The following MAD2L1 variants were observed in gnomAD, a reference collection of about 807,000 sequenced individuals.
MAD2L1 encodes the protein mitotic arrest deficient 2 like 1, also known as mitotic spindle assembly checkpoint protein MAD2A.
Under a neutral mutation model 25.9 loss-of-function variants are expected in MAD2L1, and 10 were observed. The ratio of observed to expected loss-of-function variants is 0.39; its 90% confidence interval spans 0.24 to 0.66. The LOEUF is 0.66. Among genes scored for constraint, MAD2L1 ranks in the 30% least tolerant of loss-of-function variants. MAD2L1 has a pLI of 0.49. For missense variants in MAD2L1, 180 were observed against 246.4 expected (o/e 0.73, Z 1.80); for synonymous variants, 81 against 91.8 (o/e 0.88, Z 0.67).
Position 120,058,028 on chromosome 4 carries a change from T to G in MAD2L1, c.*2090A>C, listed in dbSNP as rs2110507165. 6.6e-6 allele frequency: 1 copy of G among 152,172 alleles called. No individual in the cohort carries two copies. The highest frequency in any genetic ancestry group is 2.1e-4 in the South Asian group (1 of 4,814). The allele number at this position is 152,172 out of a possible 1,614,324, so 9.4% of individuals were successfully genotyped here. On this transcript the variant is annotated 3_prime_UTR_variant, in exon 5 of 5. Transcript: ENST00000296509. ...CGCCCGCCACCACGCCCAGCTAATT[T>G]TTATATTTTTAGTAGAGACGGGGTT...
At position 120,060,070 on chromosome 4, in the gene MAD2L1, A is replaced by G. The variant is rs754362286; in HGVS notation, c.*48T>C. On this transcript the variant is annotated 3_prime_UTR_variant, in exon 5 of 5. Coordinates refer to ENST00000296509, the MANE Select transcript of MAD2L1 (RefSeq NM_002358.4). ...CAACTATAGATGACTTGATTTCAGGAAAACCACATTTCAAAATTACAATTA... is the reference window on the plus strand; with the variant it reads ...CAACTATAGATGACTTGATTTCAGGGAAACCACATTTCAAAATTACAATTA... 1.8e-5 allele frequency: 27 copies of G among 1,513,322 alleles called. No homozygotes were observed. The East Asian group carries it at 6.1e-4, about 34-fold the overall frequency. 93.7% of individuals were successfully genotyped at this position (1,513,322 alleles called of 1,614,324 possible). A position where few individuals can be genotyped will look rare whatever the true frequency, so the allele number is the denominator to read the frequency against.
In MAD2L1 at chr4:120,062,095, T is replaced by C; in HGVS notation, c.221A>G (p.Asp74Gly). The C allele has an allele frequency of 6.2e-7, 1 of 1,606,724 alleles. No individual in the cohort carries two copies. Among genetic ancestry groups the C allele is most frequent in the Non-Finnish European group, 8.5e-7 (1 of 1,177,574 alleles). The change falls in exon 3 of 5, where the codon GAT becomes GGT. Residue 74 changes from aspartate (D) to glycine (G), a missense_variant and splice_region_variant. Transcript: ENST00000296509. Reference sequence around the variant, plus strand: ...CTGAACTGAACACTTGTATAACCAATCTGCAACATATAAAAAGGAAGGCAT... The same window carrying C: ...CTGAACTGAACACTTGTATAACCAACCTGCAACATATAAAAAGGAAGGCAT... ...YLNNVVEQLK[D>G]WLYKCSVQKL...
At chr4:120,063,738 G>A (rs1726264393) in intron 2 of MAD2L1, among the ~76,000 whole-genome samples, 1 of 152,164 alleles carries the variant, frequency 6.6e-6, no homozygotes, top group Non-Finnish European at 1.5e-5. Context: ...CAAAACATGA[G>A]CAGCCACTCA....
At chr4:120,065,597 T>C in intron 2 of MAD2L1, 75 bp downstream of exon 2, 1 of 1,353,484 alleles carries the variant, frequency 7.4e-7, no homozygotes, top group South Asian at 1.2e-5. Flanking sequence ...CACTTCTATG[T>C]GCAGAGCGGA....
At position 120,059,476 on chromosome 4, in the gene MAD2L1, C is replaced by T. The variant is rs187940971; in HGVS notation, c.*642G>A. 6.6e-6 allele frequency: 1 copy of T among 152,086 alleles called. No individual in the cohort carries two copies. The highest frequency in any genetic ancestry group is 1.5e-5 in the Non-Finnish European group (1 of 68,004). The allele number at this position is 152,086 out of a possible 1,614,324, so 9.4% of individuals were successfully genotyped here. ...TTTATTTCCTCACTTTCACTTAAAA[C>T]TTGATTTTATAAAACACATGAAAAA... On this transcript the variant is annotated 3_prime_UTR_variant, in exon 5 of 5. Transcript: ENST00000296509.
chr4:120,063,040 G>A (rs916241426), intron 2 of MAD2L1, among the ~76,000 whole-genome samples: 3 of 152,194 alleles, frequency 2.0e-5, no homozygotes, highest in African/African-American at 7.2e-5. Flanking sequence ...GGACGGTTTA[G>A]TCATTCATTG....
rs2110507175 is a variant in MAD2L1 at position 120,058,052 on chromosome 4, T to A, written c.*2066A>T. 6.6e-6 allele frequency: 1 copy of A among 151,968 alleles called. No homozygotes were observed. Among genetic ancestry groups the A allele is most frequent in the African/African-American group, 2.4e-5 (1 of 41,494 alleles). The allele number at this position is 151,968 out of a possible 1,614,324, so 9.4% of individuals were successfully genotyped here. Reference sequence around the variant, plus strand: ...TTTTATATTTTTAGTAGAGACGGGGTTTGACCATCTTGGCCAGGCTGGTCT... The same window carrying A: ...TTTTATATTTTTAGTAGAGACGGGGATTGACCATCTTGGCCAGGCTGGTCT... On this transcript the variant is annotated 3_prime_UTR_variant, in exon 5 of 5. Transcript: ENST00000296509.
rs1000803668 is a variant in MAD2L1 at position 120,065,917 on chromosome 4, A to G, written c.74-99T>C. On this transcript the variant is annotated intron_variant, in intron 1 of 4. Transcript: ENST00000296509. ...TTGCTATATTTTCATTAGGCTATAC[A>G]GCTATAAATGACTGAACACACGTGT... 1.3e-5 allele frequency: 16 copies of G among 1,222,328 alleles called. No individual in the cohort carries two copies. In the South Asian group the frequency reaches 2.0e-4, roughly 15 times the overall value. The allele number at this position is 1,222,328 out of a possible 1,614,324, so 75.7% of individuals were successfully genotyped here.
At position 120,057,279 on chromosome 4, in the gene MAD2L1, T is replaced by C. The variant is rs894041851; in HGVS notation, c.*2839A>G. 3 of 152,182 alleles carry C rather than the reference T, an allele frequency of 2.0e-5. No homozygotes were observed. Among genetic ancestry groups the C allele is most frequent in the African/African-American group, 4.8e-5 (2 of 41,448 alleles). 9.4% of individuals were successfully genotyped at this position (152,182 alleles called of 1,614,324 possible). ...ACTGTCATCAAACTTCTCGGTGCCA[T>C]TCCCACCACCTCCATGGGAGGAGTA... On this transcript the variant is annotated 3_prime_UTR_variant, in exon 5 of 5. Coordinates refer to ENST00000296509, the MANE Select transcript of MAD2L1 (RefSeq NM_002358.4).
intron 4 of MAD2L1, 94 bp from the exon 5 acceptor site, chr4:120,060,384 A>G: frequency 2.0e-6 from 2 of 988,502 alleles, no homozygotes; most frequent in South Asian, 4.7e-5. Context: ...TCACTGCTGG[A>G]AAAGGTCATT....
At position 120,059,102 on chromosome 4, in the gene MAD2L1, G is replaced by A. The variant is rs1040534326; in HGVS notation, c.*1016C>T. ...GCACAGGAATAAGCATAGTATTTAAGTATATAAGGAAAAGTAGGCTGACAA... is the reference window on the plus strand; with the variant it reads ...GCACAGGAATAAGCATAGTATTTAAATATATAAGGAAAAGTAGGCTGACAA... On this transcript the variant is annotated 3_prime_UTR_variant, in exon 5 of 5. Transcript: ENST00000296509. 2.0e-5 allele frequency: 3 copies of A among 152,184 alleles called. No individual in the cohort carries two copies. Among genetic ancestry groups the A allele is most frequent in the Admixed American group, 6.5e-5 (1 of 15,278 alleles). 9.4% of individuals were successfully genotyped at this position (152,184 alleles called of 1,614,324 possible). A position where few individuals can be genotyped will look rare whatever the true frequency, so the allele number is the denominator to read the frequency against.
rs1349135684 is a variant in MAD2L1 at position 120,057,992 on chromosome 4, T to C, written c.*2126A>G. 6.6e-6 allele frequency: 1 copy of C among 152,276 alleles called. No homozygotes were observed. Among genetic ancestry groups the C allele is most frequent in the Non-Finnish European group, 1.5e-5 (1 of 68,174 alleles). 9.4% of individuals were successfully genotyped at this position (152,276 alleles called of 1,614,324 possible). A position where few individuals can be genotyped will look rare whatever the true frequency, so the allele number is the denominator to read the frequency against. On this transcript the variant is annotated 3_prime_UTR_variant, in exon 5 of 5. Coordinates refer to ENST00000296509, the MANE Select transcript of MAD2L1 (RefSeq NM_002358.4). ...ATTTCTCCTGCCTCAGCCTCCCAAG[T>C]AGCTGAGATGCGCCCGCCACCACGC...
At chr4:120,061,834 G>A in intron 3 of MAD2L1, 141 bp downstream of exon 3, 1 of 615,690 alleles carries the variant, frequency 1.6e-6, no homozygotes, top group East Asian at 3.0e-5. Flanking sequence ...ATAGGTGACT[G>A]AGGATATCTT....
In MAD2L1 at chr4:120,056,216, A is replaced by C. The variant is rs777213198; in HGVS notation, c.*3902T>G. 7.2e-5 allele frequency: 11 copies of C among 152,232 alleles called. No homozygotes were observed. Among genetic ancestry groups the C allele is most frequent in the Non-Finnish European group, 1.6e-4 (11 of 68,032 alleles). The allele number at this position is 152,232 out of a possible 1,614,324, so 9.4% of individuals were successfully genotyped here. On this transcript the variant is annotated 3_prime_UTR_variant, in exon 5 of 5. Transcript: ENST00000296509. ...CTTCAAAAACCACGACACAATTTGC[A>C]TGCCCATTGACCCCCAGTTTTACTT...
chr4:120,057,192 A>G lies in MAD2L1; in HGVS notation c.*2926T>C, dbSNP rs2110506920. On this transcript the variant is annotated 3_prime_UTR_variant, in exon 5 of 5. Coordinates refer to ENST00000296509, the MANE Select transcript of MAD2L1 (RefSeq NM_002358.4). ...GTGCAAGAGACCATATGCCTTCAAA[A>G]GCAGAACTATTTACTACCTGGCCAT... 6.6e-6 allele frequency: 1 copy of G among 152,218 alleles called. No individual in the cohort carries two copies. 9.4% of individuals were successfully genotyped at this position (152,218 alleles called of 1,614,324 possible).
chr4:120,063,976 A>G (rs1452203606), intron 2 of MAD2L1, among the ~76,000 whole-genome samples: 1 of 152,194 alleles, frequency 6.6e-6, no homozygotes, highest in African/African-American at 2.4e-5. Context: ...TTGGTGCCAG[A>G]GTGAGACTCC....
intron 2 of MAD2L1, 111 bp downstream of exon 2, chr4:120,065,561 T>C (rs1578461358): frequency 4.6e-6 from 4 of 878,198 alleles, no homozygotes; most frequent in Non-Finnish European, 6.9e-6. Flanking sequence ...TTCCTCTCAA[T>C]TGAAAATATA....
intron 1 of MAD2L1, 81 bp from the exon 2 acceptor site, chr4:120,065,899 A>G: frequency 7.0e-7 from 1 of 1,428,862 alleles, no homozygotes; most frequent in East Asian, 2.3e-5. Flanking sequence ...ATGTTGCTAT[A>G]TTTTCATTAG....
intron 2 of MAD2L1, among the ~76,000 whole-genome samples, chr4:120,064,862 C>A (rs1298683923): frequency 6.6e-6 from 1 of 150,688 alleles, no homozygotes; most frequent in African/African-American, 2.4e-5. Context: ...TGGTCAACAA[C>A]AAAAGAAATA....
Sources: allele counts gnomAD v4.1 joint callset (sites outside exome capture counted in the v4.1 genomes callset), GRCh38; gene constraint gnomAD v4.1.1; transcripts MANE v1.5; gene names NCBI Gene and HGNC (gene_info 2026-07-23, HGNC 2026-07-21).